RBFOX3: variants seen among roughly 807,000 people sequenced by gnomAD.
RBFOX3 encodes RNA binding fox-1 homolog 3.
A neutral mutation model predicts 48.7 loss-of-function variants in RBFOX3; 17 were observed. The observed-to-expected ratio is 0.35, with a 90% CI of 0.24 to 0.52. RBFOX3 has a LOEUF of 0.52. RBFOX3 is among the 20% of genes least tolerant of loss of function. The pLI is 0.94. For missense variants in RBFOX3, 382 were observed against 497.5 expected, an observed-to-expected ratio of 0.77 and a Z score of 2.21; for synonymous variants, 212 against 209.5, an observed-to-expected ratio of 1.01 and a Z score of -0.10.
Position 79,115,701 on chromosome 17 carries a change from GT to G in RBFOX3, c.14del (p.Tyr5SerfsTer41). On this transcript the variant is annotated frameshift_variant, in exon 5 of 15. Coordinates refer to ENST00000693108, the MANE Select transcript of RBFOX3 (RefSeq NM_001350451.2). LOFTEE classifies it high-confidence loss of function. The part of the protein sequence containing the change: MAQP[Y>X]PPAQYPPPPQ... Reference sequence around the variant, plus strand: ...GCGGAGGGGGGTACTGGGCGGGGGGGTAGGGCTGGGCCATCGCTTCAGGCGG... The same window carrying G: ...GCGGAGGGGGGTACTGGGCGGGGGGGAGGGCTGGGCCATCGCTTCAGGCGG... The G allele has an allele frequency of 2.4e-6, 1 of 415,914 alleles. No homozygotes were observed. The highest frequency in any genetic ancestry group is 4.5e-6 in the Non-Finnish European group (1 of 222,392). 25.8% of individuals were successfully genotyped at this position (415,914 alleles called of 1,614,324 possible). A position where few individuals can be genotyped will look rare whatever the true frequency, so the allele number is the denominator to read the frequency against.
chr17:79,120,920 GA>G (rs1483465680), intron 4 of RBFOX3, among the ~76,000 whole-genome samples: 1 of 152,008 alleles, frequency 6.6e-6, no homozygotes, highest in Non-Finnish European at 1.5e-5. Flanking sequence ...CACTGAGGCA[GA>G]TAAACACAAA....
upstream of RBFOX3, among the ~76,000 whole-genome samples, chr17:79,611,251 A>G (rs1204946266): frequency 7.0e-6 from 1 of 143,122 alleles, no homozygotes; most frequent in Non-Finnish European, 1.5e-5. Context: ...AGGCGGCAGC[A>G]GGAGCACGCG....
At chr17:79,515,105 TG>T (rs1380371822) in intron 1 of RBFOX3, among the ~76,000 whole-genome samples, 2 of 152,212 alleles carry the variant, frequency 1.3e-5, no homozygotes, top group Non-Finnish European at 2.9e-5. Flanking sequence ...TGGTAACATC[TG>T]GCCCCACCCA....
At chr17:79,247,746 G>A (rs2063373949) in intron 3 of RBFOX3, among the ~76,000 whole-genome samples, 1 of 152,150 alleles carries the variant, frequency 6.6e-6, no homozygotes, top group South Asian at 2.1e-4. Flanking sequence ...AGAAGAGAAG[G>A]CAAGGCAGGA....
At chr17:79,096,526 C>T in intron 12 of RBFOX3, 127 bp downstream of exon 12, 1 of 820,022 alleles carries the variant, frequency 1.2e-6, no homozygotes, top group Non-Finnish European at 1.9e-6. Flanking sequence ...CACCCTCGCC[C>T]TCCTGGCTTC....
rs1441006443 is a variant in RBFOX3 at position 79,392,130 on chromosome 17, C to T, written c.-174-84306G>A. Among the ~76,000 whole-genome samples, 1 of 152,218 alleles carries T rather than the reference C, an allele frequency of 6.6e-6. No individual in the cohort carries two copies. Among genetic ancestry groups the T allele is most frequent in the Non-Finnish European group, 1.5e-5 (1 of 68,042 alleles). On this transcript the variant is annotated intron_variant, in intron 2 of 14. Coordinates refer to ENST00000693108, the MANE Select transcript of RBFOX3 (RefSeq NM_001350451.2). The surrounding 1 kb of genome is among the most constrained non-coding windows in gnomAD (Gnocchi z 5.0). ...ACTCTTTTAGCCTCAGCACCTTCCTCTGTGAAATGGAGCCAACAACAGCAC... is the reference window on the plus strand; with the variant it reads ...ACTCTTTTAGCCTCAGCACCTTCCTTTGTGAAATGGAGCCAACAACAGCAC...
At chr17:79,275,050 T>A in intron 3 of RBFOX3, among the ~76,000 whole-genome samples, 1 of 144,260 alleles carries the variant, frequency 6.9e-6, no homozygotes, top group African/African-American at 2.6e-5. Context: ...CTTAGACTCT[T>A]GGCTGTGCTA....
At chr17:79,647,204 T>C in the RBFOX3 span, among the ~76,000 whole-genome samples, 2 of 152,156 alleles carry the variant, frequency 1.3e-5, no homozygotes, top group South Asian at 4.1e-4. Flanking sequence ...TAAACAACCA[T>C]GAACTGAGCA....
Position 79,209,605 on chromosome 17 carries a change from T to C in RBFOX3, c.-34+26161A>G, listed in dbSNP as rs182306909. On this transcript the variant is annotated intron_variant, in intron 4 of 14. Transcript: ENST00000693108. Reference sequence around the variant, plus strand: ...GGTACCCCAGTGTCCAGCATAGGTGTCTGCACATAGTACCTGTCCCATAAA... The same window carrying C: ...GGTACCCCAGTGTCCAGCATAGGTGCCTGCACATAGTACCTGTCCCATAAA... 9.5e-4 allele frequency among the ~76,000 whole-genome samples: 144 copies of C among 152,278 alleles called. 1 individual carries two copies. The Middle Eastern group carries it at 0.01, about 11-fold the overall frequency.
chr17:79,154,078 C>T (rs1272644910), intron 4 of RBFOX3, among the ~76,000 whole-genome samples: 1 of 152,214 alleles, frequency 6.6e-6, no homozygotes, highest in Non-Finnish European at 1.5e-5. Flanking sequence ...AATGTACCCT[C>T]CTGACCCCGG....
At position 79,199,702 on chromosome 17, in the gene RBFOX3, A is replaced by G. The variant is rs551729101; in HGVS notation, c.-34+36064T>C. ...TGAGCTTCATTTCCAAGAGTCACAC[A>G]TGGCTCCTGGTGACCATATTGACAC... On this transcript the variant is annotated intron_variant, in intron 4 of 14. Transcript: ENST00000693108. The surrounding 1 kb of genome is among the most constrained non-coding windows in gnomAD (Gnocchi z 5.1). 2.0e-5 allele frequency among the ~76,000 whole-genome samples: 3 copies of G among 152,330 alleles called. No homozygotes were observed. Among genetic ancestry groups the G allele is most frequent in the African/African-American group, 7.2e-5 (3 of 41,574 alleles).
chr17:79,582,137 T>A (rs896644251), intron 1 of RBFOX3, among the ~76,000 whole-genome samples: 10 of 144,974 alleles, frequency 6.9e-5, no homozygotes, highest in Admixed American at 4.1e-4. Flanking sequence ...TGTGTATGCA[T>A]GCATGTGCCT....
chr17:79,553,824 C>T (rs1166806796), intron 1 of RBFOX3, among the ~76,000 whole-genome samples: 1 of 152,126 alleles, frequency 6.6e-6, no homozygotes, highest in African/African-American at 2.4e-5. Flanking sequence ...CCTCTGCCTC[C>T]TGGGTGCAAG....
intron 5 of RBFOX3, among the ~76,000 whole-genome samples, chr17:79,108,971 G>A (rs9894589): frequency 0.18 from 27,656 of 152,172 alleles, 2,604 homozygotes; most frequent in East Asian, 0.24. Flanking sequence ...CAGCGAGGAT[G>A]CAGCACACAC....
rs2031771602 is a variant in RBFOX3, at chr17:79,111,934, G to A, written c.222+3560C>T. On this transcript the variant is annotated intron_variant, in intron 5 of 14. Coordinates refer to ENST00000693108, the MANE Select transcript of RBFOX3 (RefSeq NM_001350451.2). The surrounding 1 kb of genome is among the most constrained non-coding windows in gnomAD (Gnocchi z 4.2). The stretch of plus-strand genomic sequence containing the variant: ...CTCATCGCACTCTGTACCCTTTGCT[G>A]CTTTTGTCCAGAGAAGGCAGGTGAT... Among the ~76,000 whole-genome samples the A allele has an allele frequency of 6.6e-6, 1 of 152,242 alleles. No homozygotes were observed. The highest frequency in any genetic ancestry group is 6.5e-5 in the Admixed American group (1 of 15,288).
At chr17:79,570,181 G>C (rs1377740342) in intron 1 of RBFOX3, among the ~76,000 whole-genome samples, 2 of 150,578 alleles carry the variant, frequency 1.3e-5, no homozygotes, top group African/African-American at 4.9e-5. Context: ...TAGATGGATA[G>C]GTGGATTATA....
At chr17:79,117,468 C>T (rs2034389799) in intron 4 of RBFOX3, among the ~76,000 whole-genome samples, 1 of 152,166 alleles carries the variant, frequency 6.6e-6, no homozygotes. Flanking sequence ...GTTCAGTGAG[C>T]ACCTACTAGG....
At chr17:79,097,153 T>C in intron 11 of RBFOX3, 139 bp downstream of exon 11, 1 of 760,748 alleles carries the variant, frequency 1.3e-6, no homozygotes, top group Non-Finnish European at 2.1e-6. Context: ...CAGGGCTGAG[T>C]TCTGGGGCTC....
intron 4 of RBFOX3, among the ~76,000 whole-genome samples, chr17:79,180,824 G>A (rs2051746112): frequency 6.6e-6 from 1 of 151,330 alleles, no homozygotes; most frequent in African/African-American, 2.4e-5. Context: ...GGCGAGGGAA[G>A]GAAAGTGAAT....
Sources: allele counts gnomAD v4.1 joint callset (sites outside exome capture counted in the v4.1 genomes callset), GRCh38; gene constraint gnomAD v4.1.1; non-coding constraint Gnocchi (gnomAD v3.1); transcripts MANE v1.5; gene names NCBI Gene and HGNC (gene_info 2026-07-23, HGNC 2026-07-21).